The following DYNLT2B variants were observed in gnomAD, a reference collection of about 807,000 sequenced individuals.
DYNLT2B encodes the protein dynein light chain Tctex-type 2B, also known as dynein light chain Tctex-type protein 2B.
A neutral mutation model predicts 19.5 loss-of-function variants in DYNLT2B; 14 were observed. The ratio of observed to expected loss-of-function variants is 0.72; its 90% confidence interval spans 0.47 to 1.12. The LOEUF is 1.12. Ranked by LOEUF, DYNLT2B falls within the 50% of genes most tolerant of loss-of-function variation. The pLI is 0.00. For synonymous variants in DYNLT2B, 70 were observed against 59.7 expected (o/e 1.17, Z -0.79); for missense variants, 133 against 174.7 (o/e 0.76, Z 1.35).
intron 3 of DYNLT2B, among the ~76,000 whole-genome samples, chr3:196,299,172 C>T (rs1726290066): frequency 6.6e-6 from 1 of 151,672 alleles, no homozygotes; most frequent in African/African-American, 2.4e-5. Flanking sequence ...GCAACCACAA[C>T]CTCCCGGGTT....
intron 3 of DYNLT2B, among the ~76,000 whole-genome samples, chr3:196,306,249 A>ATG (rs1726482568): frequency 2.8e-5 from 4 of 140,888 alleles, no homozygotes; most frequent in African/African-American, 5.2e-5. Flanking sequence ...CATCTCTGCA[A>ATG]AAAAAAAAAA....
intron 2 of DYNLT2B, among the ~76,000 whole-genome samples, chr3:196,310,751 T>C (rs1726618550): frequency 6.6e-6 from 1 of 151,576 alleles, no homozygotes; most frequent in Non-Finnish European, 1.5e-5. Context: ...TTTTGTTTTT[T>C]TGGAGATAGG....
chr3:196,302,946 G>A (rs909773982), intron 3 of DYNLT2B, among the ~76,000 whole-genome samples: 1 of 151,616 alleles, frequency 6.6e-6, no homozygotes, highest in Non-Finnish European at 1.5e-5. Flanking sequence ...TTCTTGCCGG[G>A]GGACTAGACT....
chr3:196,315,128 T>C (rs1197386566), intron 2 of DYNLT2B: 2 of 373,476 alleles, frequency 5.4e-6, no homozygotes, highest in East Asian at 9.5e-5. Flanking sequence ...TTCCCCCATC[T>C]GCAAAAACTT....
chr3:196,304,951 G>A (rs1270199822), intron 3 of DYNLT2B, among the ~76,000 whole-genome samples: 1 of 152,106 alleles, frequency 6.6e-6, no homozygotes, highest in Non-Finnish European at 1.5e-5. Flanking sequence ...GCACAATCAC[G>A]GCTTACTGCA....
At chr3:196,301,991 C>T (rs1726365801) in intron 3 of DYNLT2B, among the ~76,000 whole-genome samples, 1 of 152,064 alleles carries the variant, frequency 6.6e-6, no homozygotes, top group East Asian at 1.9e-4. Flanking sequence ...CCTGTAGTCT[C>T]TGCTACTTGG....
chr3:196,311,686 T>TTTAG (rs1362058940), intron 2 of DYNLT2B, among the ~76,000 whole-genome samples: 1 of 151,706 alleles, frequency 6.6e-6, no homozygotes, highest in Middle Eastern at 3.2e-3. Flanking sequence ...TATTTATTTA[T>TTTAG]TTATTTATTT....
chr3:196,297,784 G>C (rs1424083445), intron 3 of DYNLT2B, among the ~76,000 whole-genome samples: 3 of 152,042 alleles, frequency 2.0e-5, no homozygotes, highest in Admixed American at 6.6e-5. Flanking sequence ...ACAAAGCTTG[G>C]CTTTGCACCC....
chr3:196,293,735 C>A (rs1726151075), intron 4 of DYNLT2B, among the ~76,000 whole-genome samples: 1 of 148,792 alleles, frequency 6.7e-6, no homozygotes, highest in Non-Finnish European at 1.5e-5. Flanking sequence ...ACCTCTGCCT[C>A]CCAGGTTCAA....
At chr3:196,298,281 A>G in intron 3 of DYNLT2B, 1 of 174,638 alleles carries the variant, frequency 5.7e-6, no homozygotes, top group Non-Finnish European at 1.2e-5. Context: ...CAAAAATATA[A>G]AATAGTGAGA....
At chr3:196,300,006 G>A (rs1219027663) in intron 3 of DYNLT2B, among the ~76,000 whole-genome samples, 2 of 152,148 alleles carry the variant, frequency 1.3e-5, no homozygotes, top group Non-Finnish European at 2.9e-5. Context: ...AGAGGGAGTA[G>A]GTGGGTCAGA....
intron 3 of DYNLT2B, among the ~76,000 whole-genome samples, chr3:196,298,916 A>G (rs992247067): frequency 6.6e-6 from 1 of 151,846 alleles, no homozygotes; most frequent in African/African-American, 2.4e-5. Flanking sequence ...TTTTTTATTT[A>G]TTAATTTTAC....
chr3:196,297,076 C>T (rs548648950), intron 3 of DYNLT2B, among the ~76,000 whole-genome samples: 3 of 150,854 alleles, frequency 2.0e-5, no homozygotes, highest in South Asian at 4.2e-4. Context: ...ACCAGTAGTC[C>T]CAGCTACTCA....
At chr3:196,316,910 G>GTGTGTGTGT (rs1726824549) in intron 1 of DYNLT2B, among the ~76,000 whole-genome samples, 1 of 42,346 alleles carries the variant, frequency 2.4e-5, no homozygotes, top group Non-Finnish European at 5.3e-5. Context: ...TGTGTGTGTT[G>GTGTGTGTGT]TGTGGTGTGT....
At chr3:196,310,233 T>C (rs1194993441) in intron 2 of DYNLT2B, among the ~76,000 whole-genome samples, 4 of 150,338 alleles carry the variant, frequency 2.7e-5, no homozygotes, top group Admixed American at 2.0e-4. Flanking sequence ...TCCCAAGTAG[T>C]TGGGATTATA....
At chr3:196,306,836 C>T (rs1038572463) in intron 3 of DYNLT2B, 107 bp downstream of exon 3, 9 of 998,510 alleles carry the variant, frequency 9.0e-6, no homozygotes, top group Admixed American at 5.9e-5. Flanking sequence ...CCATCACACC[C>T]GGCCCTTCTC....
chr3:196,291,388 A>G lies in DYNLT2B; in HGVS notation c.382-14T>C. The G allele has an allele frequency of 6.2e-7, 1 of 1,609,076 alleles. No individual in the cohort carries two copies. The highest frequency in any genetic ancestry group is 8.5e-7 in the Non-Finnish European group (1 of 1,177,916). On this transcript the variant is annotated splice_polypyrimidine_tract_variant and intron_variant, in intron 4 of 4. Coordinates refer to ENST00000325318, the MANE Select transcript of DYNLT2B (RefSeq NM_152773.5). The stretch of plus-strand genomic sequence containing the variant: ...GAATAAACTGTCCTAAAAAATAAAT[A>G]CAACACACACACACATCCAGAATGT...
chr3:196,302,904 A>G (rs1726391438), intron 3 of DYNLT2B, among the ~76,000 whole-genome samples: 1 of 151,858 alleles, frequency 6.6e-6, no homozygotes, highest in Admixed American at 6.6e-5. Flanking sequence ...TAAAACAAAG[A>G]CGGTAACAGC....
chr3:196,302,542 T>C (rs537339764), intron 3 of DYNLT2B, among the ~76,000 whole-genome samples: 2 of 152,276 alleles, frequency 1.3e-5, no homozygotes, highest in East Asian at 3.9e-4. Flanking sequence ...TCATCCAAAG[T>C]ATAAAATATC....
Sources: gnomAD v4.1 joint callset for allele counts (sites outside exome capture counted in the v4.1 genomes callset) on GRCh38, gnomAD v4.1.1 for gene constraint, MANE v1.5 for transcripts, NCBI Gene and HGNC (gene_info 2026-07-23, HGNC 2026-07-21) for gene names.